The following DAB1 variants were observed in gnomAD, a reference collection of about 807,000 sequenced individuals.
DAB1 encodes DAB adaptor protein 1, also known as disabled homolog 1.
Under a neutral mutation model 64.6 loss-of-function variants are expected in DAB1, and 15 were observed. The ratio of observed to expected loss-of-function variants is 0.23; its 90% CI spans 0.16 to 0.36. The LOEUF (loss-of-function observed/expected upper bound fraction) is 0.36. Among genes scored for constraint, DAB1 ranks in the 10% least tolerant of loss-of-function variants. The probability of loss-of-function intolerance (pLI) is 1.00; values close to 1 mark genes in which losing one functional copy is unlikely to be tolerated. For synonymous variants in DAB1, 235 were observed against 251.9 expected, an observed-to-expected ratio of 0.93 and a Z score of 0.64; for missense variants, 596 against 706.7, an observed-to-expected ratio of 0.84 and a Z score of 1.78.
chr1:58,174,797 C>T (rs1656373645), intron 4 of DAB1, among the ~76,000 whole-genome samples: 1 of 151,828 alleles, frequency 6.6e-6, no homozygotes, highest in African/African-American at 2.4e-5. Context: ...CACCTATCAG[C>T]ACTCTGTGTC....
intron 3 of DAB1, among the ~76,000 whole-genome samples, chr1:58,442,840 A>C (rs1192570278): frequency 6.6e-6 from 1 of 152,160 alleles, no homozygotes; most frequent in Non-Finnish European, 1.5e-5. Flanking sequence ...AGCTGTGTTC[A>C]TGCCATTGCA....
intron 1 of DAB1, among the ~76,000 whole-genome samples, chr1:57,308,837 A>T (rs1422111637): frequency 6.6e-6 from 1 of 152,296 alleles, no homozygotes; most frequent in East Asian, 1.9e-4. Flanking sequence ...CCTGAGGTCC[A>T]GTACTGGTAA....
intron 4 of DAB1, among the ~76,000 whole-genome samples, chr1:58,263,929 T>C (rs1429965240): frequency 6.6e-6 from 1 of 152,226 alleles, no homozygotes; most frequent in Non-Finnish European, 1.5e-5. Flanking sequence ...GTCTTCCAAC[T>C]AATATTTCAT....
At chr1:58,296,762 T>C (rs1662005512) in intron 4 of DAB1, among the ~76,000 whole-genome samples, 1 of 152,136 alleles carries the variant, frequency 6.6e-6, no homozygotes, top group Admixed American at 6.6e-5. Context: ...TGTTGTATGA[T>C]TAAAAACCCA....
At chr1:58,449,417 G>A (rs1232837932) in intron 3 of DAB1, among the ~76,000 whole-genome samples, 1 of 152,150 alleles carries the variant, frequency 6.6e-6, no homozygotes, top group Admixed American at 6.5e-5. Flanking sequence ...TTGAAACAAA[G>A]CCTACACTAC....
At chr1:58,486,265 C>T (rs1645574356) in intron 3 of DAB1, among the ~76,000 whole-genome samples, 1 of 152,150 alleles carries the variant, frequency 6.6e-6, no homozygotes. Context: ...ATATTGCTAT[C>T]CTGATTTCAC....
At chr1:58,359,173 C>G (rs1029150193) in intron 3 of DAB1, among the ~76,000 whole-genome samples, 6 of 152,182 alleles carry the variant, frequency 3.9e-5, no homozygotes, top group African/African-American at 1.4e-4. Flanking sequence ...AAAGCAATTT[C>G]ACATTCATGA....
chr1:57,427,092 T>C (rs1246177560), upstream of DAB1, among the ~76,000 whole-genome samples: 1 of 152,060 alleles, frequency 6.6e-6, no homozygotes, highest in Admixed American at 6.6e-5. Context: ...CTCGATCTCC[T>C]GACCTCATGA....
chr1:58,410,832 AACC>A lies in DAB1; in HGVS notation n.258-67432_258-67430del, dbSNP rs60032053. ...CTGCTGTCCTCCTTCCCAATCCCATAACCACCAATAGACTGTGGTGGTAAACCT... is the reference window on the plus strand; with the variant it reads ...CTGCTGTCCTCCTTCCCAATCCCATAACCAATAGACTGTGGTGGTAAACCT... On this transcript the variant is annotated intron_variant and non_coding_transcript_variant, in intron 3 of 20. Transcript: ENST00000485760. 5.4e-3 allele frequency among the ~76,000 whole-genome samples: 826 copies of A among 152,284 alleles called. 4 individuals are homozygous for A. The highest frequency in any genetic ancestry group is 0.019 in the African/African-American group (778 of 41,542).
chr1:57,488,728 C>A (rs1326393196), intron 7 of DAB1, among the ~76,000 whole-genome samples: 1 of 151,886 alleles, frequency 6.6e-6, no homozygotes, highest in African/African-American at 2.4e-5. Context: ...TATATAGGTG[C>A]TGCACTGCCA....
intron 5 of DAB1, among the ~76,000 whole-genome samples, chr1:58,062,965 T>A (rs1322393469): frequency 2.0e-5 from 3 of 152,200 alleles, no homozygotes; most frequent in African/African-American, 7.2e-5. Flanking sequence ...AACTCTGATT[T>A]ATCAACCAAC....
intron 2 of DAB1, among the ~76,000 whole-genome samples, chr1:58,511,004 T>C (rs1368654243): frequency 6.6e-6 from 1 of 152,158 alleles, no homozygotes; most frequent in Non-Finnish European, 1.5e-5. Flanking sequence ...AGACATCCCA[T>C]GTTCATGGAT....
At chr1:57,453,421 A>G (rs1233535961) in intron 7 of DAB1, among the ~76,000 whole-genome samples, 3 of 152,194 alleles carry the variant, frequency 2.0e-5, no homozygotes, top group East Asian at 1.9e-4. Flanking sequence ...AGAAACATCC[A>G]TGTGCTCATA....
rs757265115 is a variant in DAB1, at chr1:58,192,886, A to C, written n.310-42298T>G. ...AAGTACAGAGTTTCTGTTTTGCAAG[A>C]TGAAAAGACTTCTGTGGATGGAGGG... On this transcript the variant is annotated intron_variant and non_coding_transcript_variant, in intron 4 of 20. Transcript: ENST00000485760. Among the ~76,000 whole-genome samples, 91 of 152,186 alleles carry C rather than the reference A, an allele frequency of 6.0e-4. 1 individual carries two copies. The highest frequency in any genetic ancestry group is 1.0e-4 in the Non-Finnish European group (7 of 68,030).
intron 3 of DAB1, among the ~76,000 whole-genome samples, chr1:58,401,357 A>T (rs1044205079): frequency 4.6e-5 from 7 of 152,222 alleles, no homozygotes; most frequent in African/African-American, 1.7e-4. Flanking sequence ...AGGCTCCCAT[A>T]AGGGGGATAG....
chr1:57,563,201 C>T (rs1645073696), intron 7 of DAB1, among the ~76,000 whole-genome samples: 2 of 152,196 alleles, frequency 1.3e-5, no homozygotes. Context: ...GGTACAACCA[C>T]ATGACCAGCT....
chr1:57,329,369 T>C (rs1676452651), intron 1 of DAB1, among the ~76,000 whole-genome samples: 1 of 152,178 alleles, frequency 6.6e-6, no homozygotes, highest in Admixed American at 6.5e-5. Flanking sequence ...CATATTACTT[T>C]CTCTTAGTTA....
intron 5 of DAB1, among the ~76,000 whole-genome samples, chr1:57,958,841 C>G (rs1462846331): frequency 6.6e-6 from 1 of 152,134 alleles, no homozygotes; most frequent in Non-Finnish European, 1.5e-5. Context: ...GTCCACATCC[C>G]TTTTTATAAG....
intron 1 of DAB1, among the ~76,000 whole-genome samples, chr1:57,389,878 C>T (rs1456411070): frequency 6.6e-6 from 1 of 152,100 alleles, no homozygotes; most frequent in African/African-American, 2.4e-5. Flanking sequence ...TATACCTCAC[C>T]CCAGAAAACT....
Sources: allele counts gnomAD v4.1 joint callset (sites outside exome capture counted in the v4.1 genomes callset), GRCh38; gene constraint gnomAD v4.1.1; transcripts MANE v1.5; gene names NCBI Gene and HGNC (gene_info 2026-07-23, HGNC 2026-07-21).